The following USP32 variants were observed in gnomAD, a reference collection of about 807,000 sequenced individuals.
The protein encoded by USP32 is ubiquitin carboxyl-terminal hydrolase 32.
Under a neutral mutation model 204.8 loss-of-function variants are expected in USP32, and 59 were observed. The observed-to-expected ratio is 0.29, with a 90% CI of 0.23 to 0.36. The LOEUF (loss-of-function observed/expected upper bound fraction) is 0.36. Among genes scored for constraint, USP32 ranks in the 10% least tolerant of loss-of-function variants. The probability of loss-of-function intolerance (pLI) is 1.00; values close to 1 mark genes in which losing one functional copy is unlikely to be tolerated. For synonymous variants in USP32, 517 were observed against 678.4 expected (o/e 0.76, Z 3.70); for missense variants, 1,160 against 1,946.4 (o/e 0.60, Z 7.60).
intron 16 of USP32, among the ~76,000 whole-genome samples, chr17:60,217,015 A>G (rs1205752651): frequency 6.6e-6 from 1 of 152,220 alleles, no homozygotes; most frequent in African/African-American, 2.4e-5. Context: ...AATTTGGAGC[A>G]TCTGAAATAT....
At chr17:60,370,542 C>G (rs547699575) in intron 1 of USP32, among the ~76,000 whole-genome samples, 32 of 152,052 alleles carry the variant, frequency 2.1e-4, no homozygotes, top group Middle Eastern at 6.8e-3. Flanking sequence ...GGGAGGATCA[C>G]TTGAGGTCAG....
intron 1 of USP32, among the ~76,000 whole-genome samples, chr17:60,401,951 C>G (rs115985602): frequency 0.018 from 2,810 of 152,186 alleles, 85 homozygotes; most frequent in African/African-American, 0.062. Context: ...ACAAACTCTC[C>G]CCTAACTCTT....
intron 1 of USP32, among the ~76,000 whole-genome samples, chr17:60,418,597 T>C (rs901739769): frequency 6.6e-6 from 1 of 151,590 alleles, no homozygotes; most frequent in Non-Finnish European, 1.5e-5. Flanking sequence ...GGGAGAAAAA[T>C]TTTGCAAACT....
intron 7 of USP32, among the ~76,000 whole-genome samples, chr17:60,268,958 G>C (rs2086664604): frequency 1.3e-5 from 2 of 152,134 alleles, no homozygotes. Context: ...ATAATGGAAT[G>C]TATTTATGCT....
chr17:60,280,200 G>A (rs561428739), intron 5 of USP32, among the ~76,000 whole-genome samples: 2 of 152,012 alleles, frequency 1.3e-5, no homozygotes, highest in South Asian at 2.1e-4. Flanking sequence ...GGGTTCAAGC[G>A]ATTCTCCTGC....
chr17:60,336,727 A>G (rs950887465), intron 2 of USP32, among the ~76,000 whole-genome samples: 7 of 151,736 alleles, frequency 4.6e-5, no homozygotes, highest in Non-Finnish European at 1.0e-4. Context: ...AAAAAAAAAA[A>G]AAAGAAAAAA....
At chr17:60,391,595 TCCCTGGAC>T (rs1368608851) in intron 1 of USP32, among the ~76,000 whole-genome samples, 2 of 152,032 alleles carry the variant, frequency 1.3e-5, no homozygotes, top group Non-Finnish European at 2.9e-5. Context: ...GGAGAGGACT[TCCCTGGAC>T]ACATCCAGGA....
intron 1 of USP32, among the ~76,000 whole-genome samples, chr17:60,417,300 C>T (rs951692581): frequency 5.3e-5 from 8 of 152,066 alleles, no homozygotes; most frequent in African/African-American, 1.9e-4. Context: ...TGAAGTGTAG[C>T]ATACATACCC....
At chr17:60,203,414 A>G (rs2084736402) in intron 26 of USP32, among the ~76,000 whole-genome samples, 1 of 150,220 alleles carries the variant, frequency 6.7e-6, no homozygotes, top group African/African-American at 2.4e-5. Context: ...AAAAAAAAAA[A>G]AAAAAAAGAA....
At chr17:60,227,844 A>G (rs1315127503) in intron 12 of USP32, among the ~76,000 whole-genome samples, 3 of 152,160 alleles carry the variant, frequency 2.0e-5, no homozygotes, top group Non-Finnish European at 4.4e-5. Context: ...TTAGTAGCCA[A>G]AAAATTTTTT....
intron 9 of USP32, chr17:60,257,189 G>C (rs1368014822): frequency 6.3e-6 from 1 of 159,314 alleles, no homozygotes; most frequent in Non-Finnish European, 1.4e-5. Flanking sequence ...CTGTCTCCCT[G>C]TGCTTGTTTT....
intron 26 of USP32, among the ~76,000 whole-genome samples, chr17:60,205,081 C>T (rs898433001): frequency 5.3e-5 from 8 of 152,012 alleles, no homozygotes; most frequent in African/African-American, 1.9e-4. Context: ...GTGTGAGCCA[C>T]TGCACCCGGC....
intron 1 of USP32, among the ~76,000 whole-genome samples, chr17:60,405,908 C>T (rs1271100356): frequency 2.0e-5 from 3 of 152,090 alleles, no homozygotes; most frequent in African/African-American, 4.8e-5. Flanking sequence ...TAATCCAGCA[C>T]TTTGGGAGGC....
At chr17:60,391,771 C>G in intron 1 of USP32, 111 bp downstream of exon 1, 3 of 1,250,950 alleles carry the variant, frequency 2.4e-6, no homozygotes, top group Non-Finnish European at 3.3e-6. Context: ...CTTTCCCTTC[C>G]GCCTCAGGCG....
chr17:60,281,271 G>C (rs1009398781), intron 5 of USP32, among the ~76,000 whole-genome samples: 19 of 152,250 alleles, frequency 1.2e-4, no homozygotes, highest in Admixed American at 9.8e-4. Flanking sequence ...GGGTGCAGTG[G>C]CTCACGCCTG....
chr17:60,350,875 T>G (rs1042809994), intron 1 of USP32, among the ~76,000 whole-genome samples: 8 of 151,964 alleles, frequency 5.3e-5, no homozygotes, highest in Non-Finnish European at 7.4e-5. Context: ...AAAAACCACC[T>G]GTACCCCAAA....
At chr17:60,258,615 G>A (rs970651138) in intron 9 of USP32, among the ~76,000 whole-genome samples, 3 of 152,196 alleles carry the variant, frequency 2.0e-5, no homozygotes, top group Non-Finnish European at 4.4e-5. Flanking sequence ...ACAGCTCTAA[G>A]TACCTTTCCT....
chr17:60,238,844 C>T (rs1303114663), intron 11 of USP32, among the ~76,000 whole-genome samples: 2 of 151,096 alleles, frequency 1.3e-5, no homozygotes, highest in Admixed American at 6.6e-5. Context: ...TGGTGGTGCA[C>T]GCCTGTGGTC....
chr17:60,209,285 G>T (rs541005659), intron 22 of USP32, 85 bp downstream of exon 22: 38 of 633,538 alleles, frequency 6.0e-5, no homozygotes, highest in African/African-American at 1.3e-4. Flanking sequence ...CAGAATAGTT[G>T]AGTTTGCATT....
Sources: gnomAD v4.1 joint callset for allele counts (sites outside exome capture counted in the v4.1 genomes callset) on GRCh38, gnomAD v4.1.1 for gene constraint, MANE v1.5 for transcripts, NCBI Gene and HGNC (gene_info 2026-07-23, HGNC 2026-07-21) for gene names.